CERS1: variants seen among roughly 807,000 people sequenced by gnomAD.
The protein encoded by CERS1 is Embryonic growth/differentiation factor 1.
A neutral mutation model predicts 35.7 loss-of-function variants in CERS1; 16 were observed. That is an observed-to-expected ratio of 0.45 (90% CI 0.30 to 0.68). CERS1 has a LOEUF of 0.68. Ranked by LOEUF, CERS1 falls within the 30% of genes least tolerant of loss-of-function variation. The pLI, the probability that CERS1 is intolerant of heterozygous loss-of-function variation, is 0.08. For missense variants in CERS1, 454 were observed against 453.9 expected (o/e 1.00, Z 0.00); for synonymous variants, 243 against 201.6 (o/e 1.21, Z -1.74).
In CERS1 at chr19:18,878,679, C is replaced by T. The variant is rs1162413323; in HGVS notation, c.1010+251G>A. On this transcript the variant is annotated intron_variant, in intron 6 of 7. Transcript: ENST00000623882. The surrounding 1 kb of genome is among the most constrained non-coding windows in gnomAD (Gnocchi z 4.6). The stretch of plus-strand genomic sequence containing the variant: ...CTAGGCCTGGCCCTCAGTGTCCCTA[C>T]CGCTGAGACCCTGCCTGTCGCCCTG... 6.7e-5 allele frequency: 89 copies of T among 1,329,332 alleles called. No individual in the cohort carries two copies. Among genetic ancestry groups the T allele is most frequent in the Middle Eastern group, 2.9e-4 (1 of 3,424 alleles). 82.3% of individuals were successfully genotyped at this position (1,329,332 alleles called of 1,614,324 possible).
At chr19:18,894,342 G>T (rs1399717834) in intron 1 of CERS1, among the ~76,000 whole-genome samples, 1 of 152,032 alleles carries the variant, frequency 6.6e-6, no homozygotes, top group Non-Finnish European at 1.5e-5. Flanking sequence ...TGAGGGGGCC[G>T]GAGCCCAGAG....
chr19:18,880,858 C>T (rs902530760), intron 3 of CERS1, among the ~76,000 whole-genome samples: 8 of 152,066 alleles, frequency 5.3e-5, no homozygotes, highest in Non-Finnish European at 1.0e-4. Flanking sequence ...ACACCACACA[C>T]GGCTAATTTT....
At chr19:18,890,975 T>C (rs555241852) in intron 2 of CERS1, among the ~76,000 whole-genome samples, 2 of 151,836 alleles carry the variant, frequency 1.3e-5, no homozygotes, top group African/African-American at 4.8e-5. Context: ...AATACAAAAA[T>C]TAGCCGAGGG....
Position 18,896,022 on chromosome 19 carries a change from C to T in CERS1, c.51G>A (p.Pro17=). The T allele has an allele frequency of 1.0e-6, 1 of 1,004,852 alleles. No individual in the cohort carries two copies. The highest frequency in any genetic ancestry group is 1.8e-5 in the African/African-American group (1 of 57,054). The allele number at this position is 1,004,852 out of a possible 1,614,324, so 62.2% of individuals were successfully genotyped here. Residue 17 remains proline, a synonymous_variant, in exon 1 of 8, where the codon CCG becomes CCA. Transcript: ENST00000623882. The surrounding 1 kb of genome is among the most constrained non-coding windows in gnomAD (Gnocchi z 5.9). The stretch of plus-strand genomic sequence containing the variant: ...CGCGCTGCACTAGCTGCGCGTAGCT[C>T]GGCATGGGCTCGGGCCCCGTCGGCC... ...AAGPTGPEPM[P]SYAQLVQRGW... is the part of the protein sequence containing the mutation.
chr19:18,880,272 A>T lies in CERS1; in HGVS notation c.752+2T>A. On this transcript the variant is annotated splice_donor_variant, in intron 4 of 7. Transcript: ENST00000623882. LOFTEE classifies it high-confidence loss of function. Reference sequence around the variant, plus strand: ...CCCTGCCCAGCACTCCCTACCACTCACCAGCTGAAGCCGAAGCTGAGGCAG... The same window carrying T: ...CCCTGCCCAGCACTCCCTACCACTCTCCAGCTGAAGCCGAAGCTGAGGCAG... 6.5e-7 allele frequency: 1 copy of T among 1,547,906 alleles called. No individual in the cohort carries two copies. The highest frequency in any genetic ancestry group is 8.7e-7 in the Non-Finnish European group (1 of 1,145,836).
Position 18,870,421 on chromosome 19 carries a change from G to T in CERS1, c.*156C>A, listed in dbSNP as rs1226370894. 3 of 1,152,032 alleles carry T rather than the reference G, an allele frequency of 2.6e-6. No homozygotes were observed. Among genetic ancestry groups the T allele is most frequent in the African/African-American group, 1.6e-5 (1 of 63,676 alleles). 71.4% of individuals were successfully genotyped at this position (1,152,032 alleles called of 1,614,324 possible). On this transcript the variant is annotated 3_prime_UTR_variant, in exon 7 of 8. Coordinates refer to ENST00000623882, the MANE Select transcript of CERS1 (RefSeq NM_021267.5). This position sits in a 1 kb window ranked among gnomAD's most constrained non-coding sequence, Gnocchi z 5.1. ...GGCAGGGGTCCTGGGGGGCGTGGCC[G>T]GGAACTGGAGGCAGGATGAGGGGGC...
chr19:18,880,881 T>C (rs1309144572), intron 3 of CERS1, among the ~76,000 whole-genome samples: 1 of 152,046 alleles, frequency 6.6e-6, no homozygotes, highest in Non-Finnish European at 1.5e-5. Context: ...TAATTTTTAG[T>C]AGAGACTGGG....
intron 2 of CERS1, among the ~76,000 whole-genome samples, chr19:18,890,783 GAAAAA>G (rs35488506): frequency 1.1e-4 from 11 of 99,766 alleles, no homozygotes; most frequent in African/African-American, 3.7e-4. Flanking sequence ...CGCGTCTGGG[GAAAAA>G]AAAAAAAAAA....
At chr19:18,875,950 T>C (rs1181034639) in intron 6 of CERS1, among the ~76,000 whole-genome samples, 2 of 152,220 alleles carry the variant, frequency 1.3e-5, no homozygotes, top group African/African-American at 4.8e-5. Context: ...ATTTTGAACA[T>C]CTGTCATCCA....
At chr19:18,871,162 A>G (rs925731935) in intron 6 of CERS1, among the ~76,000 whole-genome samples, 1 of 148,148 alleles carries the variant, frequency 6.8e-6, no homozygotes, top group African/African-American at 2.5e-5. Context: ...GGCTCAATGG[A>G]TCCTCCCACC....
intron 3 of CERS1, among the ~76,000 whole-genome samples, chr19:18,881,130 C>G (rs143249333): frequency 6.6e-6 from 1 of 152,278 alleles, no homozygotes; most frequent in Non-Finnish European, 1.5e-5. Flanking sequence ...ACACCACCAC[C>G]ATGATGAGAC....
chr19:18,893,258 A>G (rs539348355), intron 2 of CERS1, among the ~76,000 whole-genome samples, 158 bp downstream of exon 2: 4 of 152,230 alleles, frequency 2.6e-5, no homozygotes, highest in Non-Finnish European at 5.9e-5. Flanking sequence ...TCTGTCGTCC[A>G]GGCTGGAGTG....
chr19:18,871,223 A>ATTT (rs572877061), intron 6 of CERS1, among the ~76,000 whole-genome samples: 2 of 119,832 alleles, frequency 1.7e-5, no homozygotes, highest in African/African-American at 6.4e-5. Context: ...ACTCCCAGCA[A>ATTT]TTTTTTTTTT....
At chr19:18,893,276 G>A (rs1421758123) in intron 2 of CERS1, 140 bp downstream of exon 2, 21 of 879,388 alleles carry the variant, frequency 2.4e-5, no homozygotes, top group Middle Eastern at 2.9e-4. Context: ...GTGCAGTGGC[G>A]TGCTCATAGC....
Position 18,868,998 on chromosome 19 carries a change from G to T in CERS1, c.*987C>A. The T allele has an allele frequency of 9.0e-7, 1 of 1,107,324 alleles. No individual in the cohort carries two copies. Among genetic ancestry groups the T allele is most frequent in the East Asian group, 5.5e-5 (1 of 18,336 alleles). 68.6% of individuals were successfully genotyped at this position (1,107,324 alleles called of 1,614,324 possible). A position where few individuals can be genotyped will look rare whatever the true frequency, so the allele number is the denominator to read the frequency against. ...AGGGGGTGGCACAGGCGCGGGTCGA[G>T]GGTCACCAGCAGCAGCGAGGCCTCG... is the stretch of plus-strand genomic sequence containing the variant. On this transcript the variant is annotated 3_prime_UTR_variant, in exon 8 of 8. Coordinates refer to ENST00000623882, the MANE Select transcript of CERS1 (RefSeq NM_021267.5).
At chr19:18,887,446 CTG>C (rs1348706122) in intron 2 of CERS1, among the ~76,000 whole-genome samples, 3 of 152,300 alleles carry the variant, frequency 2.0e-5, no homozygotes, top group South Asian at 4.1e-4. Flanking sequence ...TTGAACAACA[CTG>C]TGAATGGACT....
intron 3 of CERS1, among the ~76,000 whole-genome samples, chr19:18,883,712 G>A (rs542318228): frequency 4.6e-5 from 7 of 152,242 alleles, no homozygotes; most frequent in Admixed American, 1.3e-4. Flanking sequence ...TGTCAGCTGC[G>A]TTCACAGCCA....
intron 6 of CERS1, among the ~76,000 whole-genome samples, chr19:18,876,453 C>T (rs2056061883): frequency 6.6e-6 from 1 of 150,540 alleles, no homozygotes; most frequent in African/African-American, 2.4e-5. Context: ...GTGATCCTCC[C>T]ACCTCAGCCT....
At chr19:18,879,948 G>A (rs2056161171) in intron 4 of CERS1, among the ~76,000 whole-genome samples, 2 of 149,894 alleles carry the variant, frequency 1.3e-5, no homozygotes, top group Non-Finnish European at 3.0e-5. Context: ...GGCTTGCTCT[G>A]TATTAGTCTA....
Sources: gnomAD v4.1 joint callset for allele counts (sites outside exome capture counted in the v4.1 genomes callset) on GRCh38, gnomAD v4.1.1 for gene constraint, Gnocchi (gnomAD v3.1) non-coding constraint, MANE v1.5 for transcripts, NCBI Gene and HGNC (gene_info 2026-07-23, HGNC 2026-07-21) for gene names.